PCDH11X: variants seen among roughly 807,000 people sequenced by gnomAD.
PCDH11X encodes protocadherin 11 X-linked.
A neutral mutation model predicts 53.3 loss-of-function variants in PCDH11X; 18 were observed. The observed-to-expected ratio is 0.34, with a 90% CI of 0.23 to 0.50. The LOEUF is 0.50. Ranked by LOEUF, PCDH11X falls within the 20% of genes least tolerant of loss-of-function variation. The pLI is 0.98. For synonymous variants in PCDH11X, 279 were observed against 393.3 expected, an observed-to-expected ratio of 0.71 and a Z score of 3.44; for missense variants, 570 against 1,032.4, an observed-to-expected ratio of 0.55 and a Z score of 6.14.
At chrX:92,373,609 G>A (rs2573827) in intron 8 of PCDH11X, among the ~76,000 whole-genome samples, 3,393 of 111,207 alleles carry the variant, frequency 0.031, 140 homozygotes, top group African/African-American at 0.11. Flanking sequence ...AGAAAGGAGC[G>A]GAATATAACT....
At chrX:92,158,060 C>CA (rs778283507) in intron 6 of PCDH11X, among the ~76,000 whole-genome samples, 30 of 110,147 alleles carry the variant, frequency 2.7e-4, no homozygotes, top group Middle Eastern at 4.6e-3. Context: ...ACTGAAATTA[C>CA]AAAAAATCAC....
rs1168053333 is a variant in PCDH11X at position 92,621,815 on chromosome X, G to A, written c.*2875G>A. On this transcript the variant is annotated 3_prime_UTR_variant, in exon 11 of 11. Coordinates refer to ENST00000682573, the MANE Select transcript of PCDH11X (RefSeq NM_032968.5). Reference sequence around the variant, plus strand: ...ATGGTTCTGTTTTAAAAAGGATTTTGTTTGATTTGAAATTAAAACTTCAAG... The same window carrying A: ...ATGGTTCTGTTTTAAAAAGGATTTTATTTGATTTGAAATTAAAACTTCAAG... 1 of 111,517 alleles carries A rather than the reference G, an allele frequency of 9.0e-6. No individual in the cohort carries two copies. Among genetic ancestry groups the A allele is most frequent in the Non-Finnish European group, 1.9e-5 (1 of 53,147 alleles). The allele number at this position is 111,517 out of a possible 1,213,427, so 9.2% of individuals were successfully genotyped here.
At chrX:92,132,678 T>A (rs2065013518) in intron 6 of PCDH11X, among the ~76,000 whole-genome samples, 1 of 79,145 alleles carries the variant, frequency 1.3e-5, no homozygotes, top group Non-Finnish European at 2.1e-5. Context: ...TGTATATGTA[T>A]ATATATATGT....
intron 10 of PCDH11X, among the ~76,000 whole-genome samples, chrX:92,579,239 C>T (rs908546059): frequency 7.4e-5 from 8 of 108,499 alleles, no homozygotes; most frequent in Non-Finnish European, 1.1e-4. Flanking sequence ...TTGATCTTCT[C>T]ATGGAGTATC....
chrX:91,969,659 G>A (rs767708775), intron 6 of PCDH11X, among the ~76,000 whole-genome samples: 18 of 108,423 alleles, frequency 1.7e-4, no homozygotes, highest in East Asian at 5.8e-4. Context: ...TTACCAGGGC[G>A]TGGTGGTATG....
At chrX:92,306,448 G>A (rs1203885465) in intron 8 of PCDH11X, among the ~76,000 whole-genome samples, 1 of 108,215 alleles carries the variant, frequency 9.2e-6, no homozygotes, top group East Asian at 2.9e-4. Flanking sequence ...ATTAAGAATT[G>A]TTTCTTTAAA....
chrX:92,122,726 C>A (rs1195592769), intron 6 of PCDH11X, among the ~76,000 whole-genome samples: 1 of 110,594 alleles, frequency 9.0e-6, no homozygotes, highest in Non-Finnish European at 1.9e-5. Flanking sequence ...CACCTGAGGT[C>A]GGGAGTTTGA....
chrX:92,505,406 T>C (rs1376076713), intron 10 of PCDH11X, among the ~76,000 whole-genome samples: 1 of 110,365 alleles, frequency 9.1e-6, no homozygotes, highest in Non-Finnish European at 1.9e-5. Flanking sequence ...CCTGTTTCAA[T>C]CTTCTGGATA....
chrX:92,586,036 C>T (rs1924346737), intron 10 of PCDH11X, among the ~76,000 whole-genome samples: 1 of 79,860 alleles, frequency 1.3e-5, no homozygotes, highest in South Asian at 6.9e-4. Context: ...TTTCTACTGC[C>T]TATTGCTGAC....
chrX:92,159,441 A>G (rs2065597867), intron 6 of PCDH11X, among the ~76,000 whole-genome samples: 1 of 106,780 alleles, frequency 9.4e-6, no homozygotes, highest in African/African-American at 3.4e-5. Context: ...CATTTTTTAA[A>G]GATTCCATAG....
chrX:92,049,375 A>G (rs1247378645), intron 6 of PCDH11X, among the ~76,000 whole-genome samples: 1 of 111,091 alleles, frequency 9.0e-6, no homozygotes, highest in East Asian at 2.8e-4. Context: ...AAGGTTAACT[A>G]AAACCCATCT....
rs781694568 is a variant in PCDH11X at position 92,503,354 on chromosome X, A to G, written c.3367+35032A>G. Among the ~76,000 whole-genome samples the G allele has an allele frequency of 2.9e-5, 3 of 104,835 alleles. No homozygotes were observed. The East Asian group carries it at 9.1e-4, about 32-fold the overall frequency. The allele number at this position is 104,835 out of a possible 115,157, so 91.0% of individuals were successfully genotyped here. ...GACCTAGAGGCAGAAATACCATTTG[A>G]CTCAGCAATCTCATGACTGGATATA... On this transcript the variant is annotated intron_variant, in intron 10 of 10. Transcript: ENST00000682573.
chrX:91,875,581 G>A (rs1440983762), intron 5 of PCDH11X, among the ~76,000 whole-genome samples: 1 of 110,239 alleles, frequency 9.1e-6, no homozygotes, highest in African/African-American at 3.3e-5. Flanking sequence ...GTGAGCCACC[G>A]CTCCCGGCCG....
chrX:92,403,621 G>A (rs973167032), intron 9 of PCDH11X, among the ~76,000 whole-genome samples: 47 of 110,351 alleles, frequency 4.3e-4, no homozygotes, highest in African/African-American at 1.3e-3. Context: ...TTCTTTCAGC[G>A]TTTAGTTTCC....
At chrX:92,227,874 C>T (rs2066998422) in intron 7 of PCDH11X, among the ~76,000 whole-genome samples, 2 of 110,784 alleles carry the variant, frequency 1.8e-5, no homozygotes, top group African/African-American at 6.5e-5. Context: ...TCAAAAAATG[C>T]AAAATAGTTG....
intron 4 of PCDH11X, chrX:91,835,080 T>A: frequency 1.4e-6 from 1 of 719,490 alleles, no homozygotes; most frequent in African/African-American, 2.4e-5. Flanking sequence ...GAATAATGAT[T>A]ATATTTTGTG....
chrX:92,254,880 C>T lies in PCDH11X; in HGVS notation c.3115-8234C>T, dbSNP rs1301302070. 2.2e-4 allele frequency among the ~76,000 whole-genome samples: 23 copies of T among 106,390 alleles called. 1 individual carries two copies. The East Asian group carries it at 6.1e-3, about 28-fold the overall frequency. The allele number at this position is 106,390 out of a possible 115,157, so 92.4% of individuals were successfully genotyped here. A position where few individuals can be genotyped will look rare whatever the true frequency, so the allele number is the denominator to read the frequency against. On this transcript the variant is annotated intron_variant, in intron 7 of 10. Coordinates refer to ENST00000682573, the MANE Select transcript of PCDH11X (RefSeq NM_032968.5). ...TCTCTGGCTGCCCTTAACATTTTTTCCTTCATTTCAACTTTGGTGAATCTG... is the reference window on the plus strand; with the variant it reads ...TCTCTGGCTGCCCTTAACATTTTTTTCTTCATTTCAACTTTGGTGAATCTG...
At chrX:91,946,990 G>A (rs2061584181) in intron 6 of PCDH11X, among the ~76,000 whole-genome samples, 1 of 104,139 alleles carries the variant, frequency 9.6e-6, no homozygotes, top group African/African-American at 3.5e-5. Context: ...TAATGCACAG[G>A]AATCCCTAGA....
At chrX:91,873,472 T>C (rs1375664186) in intron 5 of PCDH11X, among the ~76,000 whole-genome samples, 2 of 111,627 alleles carry the variant, frequency 1.8e-5, no homozygotes. Context: ...CATTAACTAA[T>C]ATGTACATTT....
Sources: allele counts gnomAD v4.1 joint callset (sites outside exome capture counted in the v4.1 genomes callset), GRCh38; gene constraint gnomAD v4.1.1; transcripts MANE v1.5; gene names NCBI Gene and HGNC (gene_info 2026-07-23, HGNC 2026-07-21).